The following MAGI2 variants were observed in gnomAD, a reference collection of about 807,000 sequenced individuals.
MAGI2 encodes the protein membrane associated guanylate kinase, WW and PDZ domain containing 2.
Under a neutral mutation model 133.3 loss-of-function variants are expected in MAGI2, and 35 were observed. That is an observed-to-expected ratio of 0.26 (90% CI 0.20 to 0.35). The LOEUF (loss-of-function observed/expected upper bound fraction) is 0.35, where lower values mean the gene tolerates loss of function less well. MAGI2 is among the 10% of genes least tolerant of loss of function. MAGI2 has a pLI of 1.00. For synonymous variants in MAGI2, 729 were observed against 710.6 expected, an observed-to-expected ratio of 1.03 and a Z score of -0.41; for missense variants, 1,636 against 1,863.4, an observed-to-expected ratio of 0.88 and a Z score of 2.25.
chr7:78,548,972 T>G (rs1799107158), intron 3 of MAGI2, among the ~76,000 whole-genome samples: 1 of 152,238 alleles, frequency 6.6e-6, no homozygotes, highest in Admixed American at 6.5e-5. Context: ...CTTTTTACTA[T>G]TCATCCATGG....
chr7:79,295,814 T>G (rs981883587), intron 1 of MAGI2, among the ~76,000 whole-genome samples: 15 of 152,202 alleles, frequency 9.9e-5, no homozygotes, highest in Admixed American at 7.9e-4. Context: ...TGCCTTCAAT[T>G]ATTAGATATA....
chr7:79,125,884 T>G (rs1398931330), intron 1 of MAGI2: 2 of 436,490 alleles, frequency 4.6e-6, no homozygotes, highest in Non-Finnish European at 9.1e-6. Context: ...AGTTACAGGT[T>G]ACAAAGGATT....
At chr7:78,573,273 A>ATAAATATATATAAATATAAATATAT (rs1563188720) in intron 3 of MAGI2, among the ~76,000 whole-genome samples, 1 of 51,678 alleles carries the variant, frequency 1.9e-5, no homozygotes, top group Non-Finnish European at 3.0e-5. Context: ...AATATATATA[A>ATAAATATATATAAATATAAATATAT]ATATATATAT....
intron 1 of MAGI2, among the ~76,000 whole-genome samples, chr7:79,423,327 C>G (rs1027203107): frequency 6.6e-6 from 1 of 151,970 alleles, no homozygotes; most frequent in African/African-American, 2.4e-5. Context: ...GACACAGATA[C>G]TGAGAAACAG....
chr7:78,315,277 C>T (rs1031832932), intron 9 of MAGI2, among the ~76,000 whole-genome samples: 28 of 152,208 alleles, frequency 1.8e-4, no homozygotes, highest in African/African-American at 6.0e-4. Flanking sequence ...GGGCTCAGGA[C>T]GTCTGTGGGC....
chr7:79,016,321 G>C (rs1365973052), intron 1 of MAGI2, among the ~76,000 whole-genome samples: 1 of 152,108 alleles, frequency 6.6e-6, no homozygotes, highest in African/African-American at 2.4e-5. Context: ...AGTCCGACCA[G>C]AGCACCTTTG....
intron 1 of MAGI2, among the ~76,000 whole-genome samples, chr7:79,433,968 G>A (rs986812879): frequency 2.0e-5 from 3 of 152,096 alleles, no homozygotes; most frequent in African/African-American, 7.2e-5. Flanking sequence ...TGTTTTTTAA[G>A]AAGAATAGCA....
At chr7:79,177,446 A>G (rs1368786651) in intron 1 of MAGI2, among the ~76,000 whole-genome samples, 1 of 152,078 alleles carries the variant, frequency 6.6e-6, no homozygotes, top group African/African-American at 2.4e-5. Context: ...CTCTAAACAT[A>G]AGCTACAAGT....
At chr7:78,345,598 T>G in intron 8 of MAGI2, 1 of 255,548 alleles carries the variant, frequency 3.9e-6, no homozygotes, top group Non-Finnish European at 7.5e-6. Context: ...ACAAGCCTCA[T>G]TCTTGTGCTT....
At chr7:79,218,256 C>T (rs1448850681) in intron 1 of MAGI2, among the ~76,000 whole-genome samples, 1 of 151,974 alleles carries the variant, frequency 6.6e-6, no homozygotes, top group East Asian at 1.9e-4. Flanking sequence ...CTGTAAAAAT[C>T]CCCAGTGTGC....
intron 3 of MAGI2, among the ~76,000 whole-genome samples, chr7:78,620,673 T>C (rs1339327607): frequency 6.6e-6 from 1 of 152,000 alleles, no homozygotes; most frequent in Admixed American, 6.6e-5. Flanking sequence ...ATGTCGTATT[T>C]GTACTATGTT....
rs186058472 is a variant in MAGI2 at position 78,245,864 on chromosome 7, C to T, written c.2047+10079G>A. 1.7e-4 allele frequency among the ~76,000 whole-genome samples: 26 copies of T among 152,264 alleles called. No individual in the cohort carries two copies. In the East Asian group the frequency reaches 4.1e-3, roughly 24 times the overall value. ...GGTGCCTTGCCCCCTGTGACCCACA[C>T]GGCTACTGTGCTTTGCCATCTTGGA... On this transcript the variant is annotated intron_variant, in intron 10 of 21. Coordinates refer to ENST00000354212, the MANE Select transcript of MAGI2 (RefSeq NM_012301.4).
At chr7:78,688,294 T>C (rs571513545) in intron 2 of MAGI2, among the ~76,000 whole-genome samples, 1 of 152,328 alleles carries the variant, frequency 6.6e-6, no homozygotes, top group African/African-American at 2.4e-5. Flanking sequence ...TGCTGGTCTC[T>C]CACTTAGCCT....
At chr7:78,668,772 C>G (rs1813954020) in intron 2 of MAGI2, among the ~76,000 whole-genome samples, 1 of 151,560 alleles carries the variant, frequency 6.6e-6, no homozygotes, top group Non-Finnish European at 1.5e-5. Context: ...GAAACTCACT[C>G]AAAACCGCTC....
At chr7:79,219,513 T>A (rs1360963188) in intron 1 of MAGI2, among the ~76,000 whole-genome samples, 12 of 152,086 alleles carry the variant, frequency 7.9e-5, no homozygotes. Context: ...CCAGAATTGT[T>A]ACAAAGTGGC....
chr7:79,246,155 A>G (rs1016251277), intron 1 of MAGI2, among the ~76,000 whole-genome samples: 41 of 152,216 alleles, frequency 2.7e-4, no homozygotes, highest in African/African-American at 9.4e-4. Flanking sequence ...CTTCAAATAC[A>G]TGGAAAATCC....
intron 9 of MAGI2, among the ~76,000 whole-genome samples, chr7:78,277,450 G>A (rs554910718): frequency 1.3e-5 from 2 of 152,288 alleles, no homozygotes; most frequent in Admixed American, 1.3e-4. Context: ...GTAAAGGCTT[G>A]CAAACATTTG....
intron 1 of MAGI2, among the ~76,000 whole-genome samples, chr7:79,066,741 G>C (rs1814379277): frequency 6.6e-6 from 1 of 152,088 alleles, no homozygotes; most frequent in Admixed American, 6.6e-5. Context: ...TATGGTTTCA[G>C]GTCTTATGTT....
intron 14 of MAGI2, chr7:78,170,633 A>G (rs1369712938): frequency 3.9e-5 from 6 of 152,252 alleles, no homozygotes; most frequent in Admixed American, 3.9e-4. Context: ...CTATGGAAGA[A>G]ATACGGTGGT....
Sources: allele counts gnomAD v4.1 joint callset (sites outside exome capture counted in the v4.1 genomes callset), GRCh38; gene constraint gnomAD v4.1.1; transcripts MANE v1.5; gene names NCBI Gene and HGNC (gene_info 2026-07-23, HGNC 2026-07-21).